The following PCDHA12 variants were observed in gnomAD, a reference collection of about 807,000 sequenced individuals.
The protein encoded by PCDHA12 is protocadherin alpha-12.
In PCDHA12, 44 loss-of-function variants were observed where a neutral mutation model predicts 60.0. That is an observed-to-expected ratio of 0.73 (90% CI 0.58 to 0.94). PCDHA12 has a LOEUF of 0.94. PCDHA12 is among the 40% of genes least tolerant of loss of function. The probability of loss-of-function intolerance (pLI) is 0.00; values close to 1 mark genes in which losing one functional copy is unlikely to be tolerated. For missense variants in PCDHA12, 1,276 were observed against 1,239.7 expected (o/e 1.03, Z -0.44); for synonymous variants, 569 against 553.0 (o/e 1.03, Z -0.40).
At chr5:140,966,736 T>A in intron 1 of PCDHA12, 1 of 1,418,140 alleles carries the variant, frequency 7.1e-7, no homozygotes, top group Non-Finnish European at 9.2e-7. Context: ...CCTCCGGCCC[T>A]GCCCGGCTGC....
chr5:141,006,207 T>C (rs1434083054), intron 3 of PCDHA12, among the ~76,000 whole-genome samples: 4 of 150,998 alleles, frequency 2.6e-5, no homozygotes, highest in Non-Finnish European at 5.9e-5. Context: ...TTATGCCTCA[T>C]TTTTTTTTAA....
rs781972677 is a variant in PCDHA12, at chr5:140,875,864, C to A, written c.392C>A (p.Pro131Gln). 3.7e-6 allele frequency: 6 copies of A among 1,614,168 alleles called. No individual in the cohort carries two copies. Among genetic ancestry groups the A allele is most frequent in the Admixed American group, 3.3e-5 (2 of 60,026 alleles). Residue 131 changes from proline to glutamine, a missense_variant, in exon 1 of 4, where the codon CCG becomes CAG. Transcript: ENST00000398631. ...VEVKDINDNP[P>Q]VFREREQKVP... The stretch of plus-strand genomic sequence containing the variant: ...GTGAAGGACATTAACGACAACCCGC[C>A]GGTGTTCAGAGAAAGGGAACAAAAG...
At chr5:140,912,797 G>C (rs2076071117) in intron 1 of PCDHA12, among the ~76,000 whole-genome samples, 1 of 152,128 alleles carries the variant, frequency 6.6e-6, no homozygotes, top group South Asian at 2.1e-4. Flanking sequence ...CAATTTTCTT[G>C]AGGGTTTTTA....
Position 141,011,633 on chromosome 5 carries a change from G to C in PCDHA12, c.*1696G>C, listed in dbSNP as rs988824031. On this transcript the variant is annotated 3_prime_UTR_variant, in exon 4 of 4. Coordinates refer to ENST00000398631, the MANE Select transcript of PCDHA12 (RefSeq NM_018903.4). ...TTATGGTCCAGCCAAGAGCCATCTC[G>C]TGCCAAGACTTCTGCTGGCAAGGGA... 6.5e-6 allele frequency: 1 copy of C among 153,624 alleles called. No homozygotes were observed. Among genetic ancestry groups the C allele is most frequent in the Non-Finnish European group, 1.5e-5 (1 of 68,022 alleles). 9.5% of individuals were successfully genotyped at this position (153,624 alleles called of 1,614,324 possible). A position where few individuals can be genotyped will look rare whatever the true frequency, so the allele number is the denominator to read the frequency against.
chr5:140,997,221 T>C (rs2097763900), intron 3 of PCDHA12, among the ~76,000 whole-genome samples: 1 of 152,152 alleles, frequency 6.6e-6, no homozygotes, highest in Admixed American at 6.5e-5. Context: ...GAAACTATCA[T>C]TACCACCCAA....
intron 1 of PCDHA12, chr5:140,968,901 T>A (rs1321022294): frequency 6.2e-7 from 1 of 1,614,106 alleles, no homozygotes; most frequent in Non-Finnish European, 8.5e-7. Flanking sequence ...ATAATAGCAT[T>A]AAGCACAGTG....
rs377029109 is a variant in PCDHA12, at chr5:141,002,346, C to G, written c.2516-7281C>G. On this transcript the variant is annotated intron_variant, in intron 3 of 3. Coordinates refer to ENST00000398631, the MANE Select transcript of PCDHA12 (RefSeq NM_018903.4). Reference sequence around the variant, plus strand: ...CGGGCTGCATCCGCACCCCTTCCCCCACCTCCACTCCTTTCAACTCATTCT... The same window carrying G: ...CGGGCTGCATCCGCACCCCTTCCCCGACCTCCACTCCTTTCAACTCATTCT... Among the ~76,000 whole-genome samples, 17 of 152,370 alleles carry G rather than the reference C, an allele frequency of 1.1e-4. No homozygotes were observed. The East Asian group carries it at 2.7e-3, about 24-fold the overall frequency.
At chr5:140,920,381 A>G (rs887594411) in intron 1 of PCDHA12, among the ~76,000 whole-genome samples, 1 of 152,164 alleles carries the variant, frequency 6.6e-6, no homozygotes, top group Non-Finnish European at 1.5e-5. Flanking sequence ...GTGGATTCAT[A>G]TTACCATCTG....
At chr5:140,939,149 C>T (rs2092323339) in intron 1 of PCDHA12, among the ~76,000 whole-genome samples, 1 of 152,124 alleles carries the variant, frequency 6.6e-6, no homozygotes, top group South Asian at 2.1e-4. Flanking sequence ...GATCAAGGTC[C>T]TGGCAGATTT....
intron 1 of PCDHA12, among the ~76,000 whole-genome samples, chr5:140,894,946 A>G (rs1463727802): frequency 6.6e-6 from 1 of 152,206 alleles, no homozygotes; most frequent in African/African-American, 2.4e-5. Flanking sequence ...ATTGTCATGA[A>G]ATGATAAAAA....
chr5:140,928,902 C>T, intron 1 of PCDHA12: 1 of 1,614,164 alleles, frequency 6.2e-7, no homozygotes, highest in Non-Finnish European at 8.5e-7. Flanking sequence ...TTGAAGATGT[C>T]TGGGAACCAG....
intron 1 of PCDHA12, among the ~76,000 whole-genome samples, chr5:140,935,507 G>A (rs2090409706): frequency 6.6e-6 from 1 of 152,138 alleles, no homozygotes. Context: ...CCTTACAAAT[G>A]CCCAGTAGGC....
At chr5:140,894,841 T>C in intron 1 of PCDHA12, among the ~76,000 whole-genome samples, 1 of 152,184 alleles carries the variant, frequency 6.6e-6, no homozygotes, top group East Asian at 1.9e-4. Context: ...TTTCTTATGC[T>C]CATTTTTATA....
At position 140,876,498 on chromosome 5, in the gene PCDHA12, C is replaced by A; in HGVS notation, c.1026C>A (p.Asp342Glu). The change falls in exon 1 of 4, where the codon GAC becomes GAA. Residue 342 changes from aspartate (D) to glutamate (E), a missense_variant. Asp to Glu is a conservative substitution (Grantham distance 45, BLOSUM62 2). Coordinates refer to ENST00000398631, the MANE Select transcript of PCDHA12 (RefSeq NM_018903.4). ...GCATGGTCCTGGTGGAAGTTCTGGA[C>A]GTGAATGACAATGTCCCTGAAGTAA... ...GHSMVLVEVL[D>E]VNDNVPEVMV... 1 of 1,613,918 alleles carries A rather than the reference C, an allele frequency of 6.2e-7. No homozygotes were observed. The highest frequency in any genetic ancestry group is 2.2e-5 in the East Asian group (1 of 44,878).
At chr5:140,976,250 A>C (rs1420287471) in intron 1 of PCDHA12, among the ~76,000 whole-genome samples, 1 of 152,144 alleles carries the variant, frequency 6.6e-6, no homozygotes, top group Non-Finnish European at 1.5e-5. Flanking sequence ...ATGTAAATTT[A>C]TTTAAAACAC....
chr5:140,919,601 A>G (rs1465882979), intron 1 of PCDHA12, among the ~76,000 whole-genome samples: 1 of 152,178 alleles, frequency 6.6e-6, no homozygotes, highest in Non-Finnish European at 1.5e-5. Context: ...TTTAAAATAA[A>G]TTTTAAACTG....
In PCDHA12 at chr5:140,928,306, C is replaced by T. The variant is rs782598364; in HGVS notation, c.2367+50467C>T. 7.6e-5 allele frequency: 122 copies of T among 1,613,984 alleles called. No individual in the cohort carries two copies. The highest frequency in any genetic ancestry group is 1.8e-4 in the Admixed American group (11 of 60,002). ...TCTAGGCCGAGTGTTTGCCCAGGAC[C>T]CCGACCTGGGGAAGAATGGCCTTGT... is the stretch of plus-strand genomic sequence containing the variant. On this transcript the variant is annotated intron_variant, in intron 1 of 3. Coordinates refer to ENST00000398631, the MANE Select transcript of PCDHA12 (RefSeq NM_018903.4).
At chr5:141,000,347 C>T (rs1587871994) in intron 3 of PCDHA12, among the ~76,000 whole-genome samples, 1 of 114,796 alleles carries the variant, frequency 8.7e-6, no homozygotes, top group Non-Finnish European at 1.8e-5. Flanking sequence ...CTATCTCTCT[C>T]TCTGTCTCTC....
At chr5:140,945,628 A>G (rs898111170) in intron 1 of PCDHA12, among the ~76,000 whole-genome samples, 1 of 152,168 alleles carries the variant, frequency 6.6e-6, no homozygotes, top group Non-Finnish European at 1.5e-5. Flanking sequence ...TACTGGCATA[A>G]AAGACATGTA....
Sources: gnomAD v4.1 joint callset for allele counts (sites outside exome capture counted in the v4.1 genomes callset) on GRCh38, gnomAD v4.1.1 for gene constraint, MANE v1.5 for transcripts, NCBI Gene and HGNC (gene_info 2026-07-23, HGNC 2026-07-21) for gene names.